Variants in PHF20 observed in about 807,000 individuals in gnomAD.
PHF20 encodes the protein glioma-expressed antigen 2.
PHF20 carries 23 observed loss-of-function variants against 113.5 expected under a neutral mutation model. The ratio of observed to expected loss-of-function variants is 0.20; its 90% CI spans 0.15 to 0.29. PHF20 has a LOEUF of 0.29. Among genes scored for constraint, PHF20 ranks in the 10% least tolerant of loss-of-function variants. The probability of loss-of-function intolerance (pLI) is 1.00; values close to 1 mark genes in which losing one functional copy is unlikely to be tolerated. For synonymous variants in PHF20, 434 were observed against 457.3 expected, an observed-to-expected ratio of 0.95 and a Z score of 0.65; for missense variants, 943 against 1,219.6, an observed-to-expected ratio of 0.77 and a Z score of 3.38.
chr20:35,783,393 T>C (rs1364747343), intron 1 of PHF20, among the ~76,000 whole-genome samples: 1 of 151,932 alleles, frequency 6.6e-6, no homozygotes, highest in Non-Finnish European at 1.5e-5. Context: ...TTATCAGTAG[T>C]GTATGCCAAA....
At chr20:35,884,392 G>C (rs1362969543) in intron 9 of PHF20, among the ~76,000 whole-genome samples, 1 of 152,134 alleles carries the variant, frequency 6.6e-6, no homozygotes, top group African/African-American at 2.4e-5. Context: ...TCTAGTCTAG[G>C]GCTAGCTGTT....
intron 9 of PHF20, among the ~76,000 whole-genome samples, chr20:35,883,120 G>C (rs1187322939): frequency 6.6e-6 from 1 of 152,012 alleles, no homozygotes; most frequent in East Asian, 1.9e-4. Flanking sequence ...AGGCTGACAT[G>C]GGAGGATCTC....
At chr20:35,867,405 A>T (rs2054337590) in intron 6 of PHF20, among the ~76,000 whole-genome samples, 2 of 152,068 alleles carry the variant, frequency 1.3e-5, no homozygotes. Context: ...GACTACAGGC[A>T]TGTGCCACCA....
rs6060693 is a variant in PHF20, at chr20:35,931,139, G to A, written c.2105-110G>A. ...CTGGATGAATAAATGAACAAAATGA[G>A]TATACTAATCTGTTCTTCCAGTAGT... On this transcript the variant is annotated intron_variant, in intron 14 of 17. Coordinates refer to ENST00000374012, the MANE Select transcript of PHF20 (RefSeq NM_016436.5). 9.7e-6 allele frequency: 7 copies of A among 724,924 alleles called. No homozygotes were observed. The African/African-American group carries it at 1.1e-4, about 11-fold the overall frequency. The allele number at this position is 724,924 out of a possible 1,614,324, so 44.9% of individuals were successfully genotyped here.
At chr20:35,873,025 G>T (rs1441447583) in intron 9 of PHF20, among the ~76,000 whole-genome samples, 2 of 151,804 alleles carry the variant, frequency 1.3e-5, no homozygotes, top group African/African-American at 4.8e-5. Context: ...TGTTATTGTG[G>T]ATTTGTTCAT....
intron 9 of PHF20, among the ~76,000 whole-genome samples, chr20:35,884,667 A>G (rs1313239236): frequency 6.6e-6 from 1 of 152,208 alleles, no homozygotes; most frequent in Non-Finnish European, 1.5e-5. Context: ...TTATACATCT[A>G]TGTAGCATGG....
intron 9 of PHF20, among the ~76,000 whole-genome samples, 190 bp from the exon 10 acceptor site, chr20:35,899,180 T>G (rs2055046739): frequency 6.6e-6 from 1 of 152,184 alleles, no homozygotes; most frequent in South Asian, 2.1e-4. Flanking sequence ...TGAATCACAA[T>G]TGAGTCTTAT....
chr20:35,801,873 G>T, intron 2 of PHF20: 1 of 291,974 alleles, frequency 3.4e-6, no homozygotes, highest in Non-Finnish European at 6.6e-6. Flanking sequence ...CTACAGGGAA[G>T]GGAAGAGTTA....
At chr20:35,796,331 C>T (rs2041666250) in intron 1 of PHF20, among the ~76,000 whole-genome samples, 1 of 151,908 alleles carries the variant, frequency 6.6e-6, no homozygotes, top group South Asian at 2.1e-4. Flanking sequence ...ATTAAATATT[C>T]TCTTGTTTTT....
intron 11 of PHF20, 42 bp downstream of exon 11, chr20:35,913,389 A>T (rs909415535): frequency 1.4e-5 from 19 of 1,355,962 alleles, no homozygotes; most frequent in Non-Finnish European, 2.0e-5. Flanking sequence ...TTTCCTTACT[A>T]TGAATGGGGA....
chr20:35,942,917 G>A (rs1458257260), intron 17 of PHF20, among the ~76,000 whole-genome samples: 2 of 151,770 alleles, frequency 1.3e-5, no homozygotes, highest in East Asian at 1.9e-4. Context: ...TCCGCCTCCC[G>A]GGTTCACGCC....
chr20:35,813,124 C>G (rs531226532), intron 2 of PHF20, among the ~76,000 whole-genome samples: 1 of 152,086 alleles, frequency 6.6e-6, no homozygotes, highest in Non-Finnish European at 1.5e-5. Context: ...CCCGCCACCA[C>G]GCCCGGCTAA....
At chr20:35,802,666 G>A (rs553568389) in intron 2 of PHF20, among the ~76,000 whole-genome samples, 21 of 152,174 alleles carry the variant, frequency 1.4e-4, no homozygotes, top group East Asian at 5.8e-4. Context: ...GGCTGGGCGC[G>A]GTGGCTCACG....
chr20:35,940,994 C>T lies in PHF20; in HGVS notation c.2843C>T (p.Ser948Phe). 4 of 1,614,178 alleles carry T rather than the reference C, an allele frequency of 2.5e-6. No homozygotes were observed. The highest frequency in any genetic ancestry group is 3.4e-6 in the Non-Finnish European group (4 of 1,180,020). Residue 948 changes from serine to phenylalanine, a missense_variant, in exon 17 of 18, where the codon TCT (serine) becomes TTT (phenylalanine). Ser to Phe is a radical substitution (Grantham distance 155, BLOSUM62 -2). This residue lies in a region of PHF20 where 349 missense variants were observed against 412.3 expected (regional missense o/e 0.85). Coordinates refer to ENST00000374012, the MANE Select transcript of PHF20 (RefSeq NM_016436.5). ...TTTAACCTGCTGACCCATGTGGAAT[C>T]TCTTCAGGATGAAGTTACGCACAGG... Reference protein sequence around the residue: ...WQFNLLTHVESLQDEVTHRMD... With the variant: ...WQFNLLTHVEFLQDEVTHRMD...
intron 15 of PHF20, among the ~76,000 whole-genome samples, chr20:35,932,395 GATATAC>G (rs1026879101): frequency 6.9e-5 from 10 of 144,944 alleles, no homozygotes; most frequent in African/African-American, 2.6e-4. Context: ...ATTGCTGTAA[GATATAC>G]ATAATATAAA....
chr20:35,879,410 G>A (rs770209897), intron 9 of PHF20, among the ~76,000 whole-genome samples: 8 of 152,098 alleles, frequency 5.3e-5, no homozygotes, highest in Non-Finnish European at 1.2e-4. Flanking sequence ...AATAATTTTT[G>A]AATGTCATCT....
At chr20:35,830,054 C>T (rs934825218) in intron 2 of PHF20, among the ~76,000 whole-genome samples, 20 of 152,160 alleles carry the variant, frequency 1.3e-4, no homozygotes, top group Non-Finnish European at 2.6e-4. Context: ...GCTGGGGCTA[C>T]AGGCGCATGC....
chr20:35,898,706 G>A (rs191518995), intron 9 of PHF20, among the ~76,000 whole-genome samples: 2 of 152,280 alleles, frequency 1.3e-5, no homozygotes, highest in Admixed American at 1.3e-4. Flanking sequence ...CGCCTCCCGG[G>A]TTCAAGCAAT....
chr20:35,914,169 A>G lies in PHF20; in HGVS notation c.1797A>G (p.Gly599=). The part of the protein sequence containing the change: ...MSPQLHGPES[G]HHKGKVKALE... ...CGCAGCTTCATGGCCCAGAATCTGG[A>G]CACCACAAAGGGAAAGTGAAAGCAT... The change falls in exon 12 of 18, where the codon GGA becomes GGG. Residue 599 remains glycine (G), a synonymous_variant. Coordinates refer to ENST00000374012, the MANE Select transcript of PHF20 (RefSeq NM_016436.5). 1.2e-6 allele frequency: 2 copies of G among 1,614,176 alleles called. No homozygotes were observed. Among genetic ancestry groups the G allele is most frequent in the Non-Finnish European group, 1.7e-6 (2 of 1,180,030 alleles).
Sources: gnomAD v4.1 joint callset for allele counts (sites outside exome capture counted in the v4.1 genomes callset) on GRCh38, gnomAD v4.1.1 for gene constraint, gnomAD v4.1.1 regional missense constraint, MANE v1.5 for transcripts, NCBI Gene and HGNC (gene_info 2026-07-23, HGNC 2026-07-21) for gene names.